The following ROBO2 variants were observed in gnomAD, a reference collection of about 807,000 sequenced individuals.
The protein encoded by ROBO2 is roundabout guidance receptor 2.
ROBO2 carries 53 observed loss-of-function variants against 160.8 expected under a neutral mutation model. The observed-to-expected ratio is 0.33, with a 90% CI of 0.26 to 0.41. The LOEUF is 0.41. ROBO2 is among the 10% of genes least tolerant of loss of function. The probability of loss-of-function intolerance (pLI) is 1.00; values close to 1 mark genes in which losing one functional copy is unlikely to be tolerated. For synonymous variants in ROBO2, 664 were observed against 611.7 expected (o/e 1.09, Z -1.26); for missense variants, 1,577 against 1,722.4 (o/e 0.92, Z 1.49).
chr3:76,984,419 A>G (rs919110471), intron 2 of ROBO2, among the ~76,000 whole-genome samples: 12 of 152,180 alleles, frequency 7.9e-5, no homozygotes, highest in African/African-American at 2.9e-4. Context: ...AGAGTTTAGA[A>G]AAAGTACAAA....
intron 2 of ROBO2, among the ~76,000 whole-genome samples, chr3:76,964,916 A>G (rs902434132): frequency 1.3e-5 from 2 of 152,260 alleles, no homozygotes; most frequent in Non-Finnish European, 2.9e-5. Context: ...TGCCTCTTCA[A>G]TGACTGAAAA....
intron 5 of ROBO2, 42 bp downstream of exon 5, chr3:77,493,424 G>T (rs1164945243): frequency 6.2e-7 from 1 of 1,604,978 alleles, no homozygotes; most frequent in Non-Finnish European, 8.5e-7. Flanking sequence ...GATAACCAAT[G>T]AATAATTAGA....
chr3:76,140,840 T>G (rs1380913082), intron 2 of ROBO2, among the ~76,000 whole-genome samples: 2 of 150,946 alleles, frequency 1.3e-5, no homozygotes, highest in Non-Finnish European at 3.0e-5. Flanking sequence ...ATTAATATTT[T>G]TATTATAATT....
intron 2 of ROBO2, among the ~76,000 whole-genome samples, chr3:76,204,666 A>C (rs1172503783): frequency 3.9e-5 from 6 of 152,170 alleles, no homozygotes; most frequent in Non-Finnish European, 7.3e-5. Flanking sequence ...GGAGAATTTC[A>C]TGTGAATTAG....
Position 76,911,566 on chromosome 3 carries a change from TTAA to T in ROBO2, c.110-186444_110-186442del, listed in dbSNP as rs1250851204. Among the ~76,000 whole-genome samples, 7 of 152,296 alleles carry T rather than the reference TTAA, an allele frequency of 4.6e-5. No individual in the cohort carries two copies. The South Asian group carries it at 1.5e-3, about 32-fold the overall frequency. ...ACTTTGATGTACCCAATCATGTCAC[TTAA>T]TAAAGTGTGTCAGCAGTTCCTATAA... On this transcript the variant is annotated intron_variant, in intron 2 of 26. Coordinates refer to the ROBO2 transcript ENST00000487694.
intron 2 of ROBO2, among the ~76,000 whole-genome samples, chr3:76,958,898 G>A (rs1201801999): frequency 5.9e-5 from 9 of 152,242 alleles, no homozygotes; most frequent in Admixed American, 1.3e-4. Context: ...AATTATTGAC[G>A]TAATTGATAC....
At position 77,104,602 on chromosome 3, in the gene ROBO2, G is replaced by A. The variant is rs183555847; in HGVS notation, c.388+6262G>A. Among the ~76,000 whole-genome samples, 4 of 152,174 alleles carry A rather than the reference G, an allele frequency of 2.6e-5. No individual in the cohort carries two copies. In the East Asian group the frequency reaches 7.7e-4, roughly 29 times the overall value. On this transcript the variant is annotated intron_variant, in intron 2 of 25. Coordinates refer to ENST00000461745, the Ensembl canonical transcript of ROBO2. ...TCTCATAAGTTTATGCCTAAGAGTA[G>A]AATTGTCGAGTCATATGGTAACTGT...
intron 2 of ROBO2, among the ~76,000 whole-genome samples, chr3:77,448,457 A>C (rs2153560019): frequency 6.6e-6 from 1 of 152,252 alleles, no homozygotes; most frequent in South Asian, 2.1e-4. Context: ...CATTCGGCAA[A>C]GTCGGCCCTA....
chr3:77,414,339 A>G (rs1393083561), intron 2 of ROBO2, among the ~76,000 whole-genome samples: 2 of 152,256 alleles, frequency 1.3e-5, no homozygotes, highest in East Asian at 1.9e-4. Flanking sequence ...AGGAGGTTCA[A>G]CAGAGAATGA....
chr3:76,422,761 A>G (rs1033473465), intron 2 of ROBO2, among the ~76,000 whole-genome samples: 2 of 152,204 alleles, frequency 1.3e-5, no homozygotes, highest in Non-Finnish European at 2.9e-5. Context: ...TTAAAAATAA[A>G]ATAGAAGTAA....
chr3:77,364,033 GA>G (rs2070460790), intron 2 of ROBO2, among the ~76,000 whole-genome samples: 1 of 152,082 alleles, frequency 6.6e-6, no homozygotes, highest in African/African-American at 2.4e-5. Context: ...CTAAAAAAAT[GA>G]AAATCATTTT....
intron 2 of ROBO2, among the ~76,000 whole-genome samples, chr3:77,132,279 A>T (rs2150359602): frequency 6.6e-6 from 1 of 152,234 alleles, no homozygotes; most frequent in South Asian, 2.1e-4. Flanking sequence ...GAGCCAAGAG[A>T]CAGAGTACTT....
At chr3:77,187,260 G>A (rs888096666) in intron 2 of ROBO2, among the ~76,000 whole-genome samples, 2 of 151,816 alleles carry the variant, frequency 1.3e-5, no homozygotes, top group Non-Finnish European at 2.9e-5. Flanking sequence ...CTTGAAACTG[G>A]CCATTCAGCA....
intron 2 of ROBO2, among the ~76,000 whole-genome samples, chr3:76,719,423 G>C (rs2093430889): frequency 6.6e-6 from 1 of 152,110 alleles, no homozygotes; most frequent in Non-Finnish European, 1.5e-5. Context: ...GCAGCCTTCA[G>C]TTCCAGGGCT....
At chr3:76,881,896 A>T (rs1049759113) in intron 2 of ROBO2, among the ~76,000 whole-genome samples, 9 of 151,790 alleles carry the variant, frequency 5.9e-5, no homozygotes, top group African/African-American at 1.9e-4. Flanking sequence ...GTTTGGCTGG[A>T]CTCAGCAGGA....
At chr3:77,421,462 TG>T (rs2077707088) in intron 2 of ROBO2, among the ~76,000 whole-genome samples, 1 of 152,154 alleles carries the variant, frequency 6.6e-6, no homozygotes, top group Non-Finnish European at 1.5e-5. Context: ...TAAATTTGTT[TG>T]TGTAAGTATT....
intron 2 of ROBO2, among the ~76,000 whole-genome samples, chr3:76,935,610 TC>T (rs11325389): frequency 0.42 from 63,143 of 151,938 alleles, 13,259 homozygotes; most frequent in South Asian, 0.49. Flanking sequence ...TTCTCATAGT[TC>T]TAGAGGCTGA....
chr3:76,820,271 C>T (rs993834146), intron 2 of ROBO2, among the ~76,000 whole-genome samples: 3 of 151,936 alleles, frequency 2.0e-5, no homozygotes, highest in African/African-American at 7.2e-5. Context: ...ATGTTTCTTA[C>T]CATAAAAGAG....
chr3:76,014,774 A>G (rs1253046643), intron 2 of ROBO2, among the ~76,000 whole-genome samples: 1 of 152,166 alleles, frequency 6.6e-6, no homozygotes, highest in African/African-American at 2.4e-5. Context: ...AAAATATTTT[A>G]AAAGTTGGCT....
Sources: gnomAD v4.1 joint callset for allele counts (sites outside exome capture counted in the v4.1 genomes callset) on GRCh38, gnomAD v4.1.1 for gene constraint, MANE v1.5 for transcripts, NCBI Gene and HGNC (gene_info 2026-07-23, HGNC 2026-07-21) for gene names.